NEO1: variants seen among roughly 807,000 people sequenced by gnomAD.
NEO1 encodes neogenin.
A neutral mutation model predicts 159.7 loss-of-function variants in NEO1; 63 were observed. The observed-to-expected ratio is 0.39, with a 90% CI of 0.32 to 0.49. NEO1 has a LOEUF of 0.49. NEO1 is among the 20% of genes least tolerant of loss of function. NEO1 has a pLI of 0.85. For missense variants in NEO1, 1,615 were observed against 1,831.0 expected (o/e 0.88, Z 2.15); for synonymous variants, 633 against 662.0 (o/e 0.96, Z 0.67).
chr15:73,283,500 G>A (rs991617420), intron 23 of NEO1, among the ~76,000 whole-genome samples: 1 of 152,180 alleles, frequency 6.6e-6, no homozygotes, highest in Non-Finnish European at 1.5e-5. Context: ...GGTGCTAGAG[G>A]CATGCAGCCA....
At chr15:73,212,676 A>G (rs1410567122) in intron 7 of NEO1, among the ~76,000 whole-genome samples, 1 of 152,196 alleles carries the variant, frequency 6.6e-6, no homozygotes. Context: ...ATATTTACAC[A>G]TGGACCCAAA....
intron 5 of NEO1, among the ~76,000 whole-genome samples, chr15:73,140,773 T>G (rs930345350): frequency 1.3e-4 from 20 of 152,228 alleles, no homozygotes; most frequent in Admixed American, 8.5e-4. Context: ...TATTGACAGA[T>G]CACTGCTACA....
At chr15:73,074,277 A>G (rs985419120) in intron 1 of NEO1, among the ~76,000 whole-genome samples, 6 of 152,190 alleles carry the variant, frequency 3.9e-5, no homozygotes, top group Non-Finnish European at 7.3e-5. Flanking sequence ...TCTGTCTGAA[A>G]ATGGAGGCCT....
chr15:73,192,701 A>G (rs11637501), intron 7 of NEO1, among the ~76,000 whole-genome samples: 1,568 of 152,122 alleles, frequency 0.01, 14 homozygotes, highest in Non-Finnish European at 0.016. Context: ...TATATTATTA[A>G]TAAAAACAAG....
intron 9 of NEO1, among the ~76,000 whole-genome samples, chr15:73,248,848 G>A (rs967851213): frequency 1.2e-4 from 18 of 152,152 alleles, no homozygotes; most frequent in African/African-American, 4.3e-4. Context: ...AAATCACAAG[G>A]AAAGTTTTTC....
Position 73,302,769 on chromosome 15 carries a change from G to A in NEO1, c.*73G>A, listed in dbSNP as rs1290285466. 6 of 1,370,924 alleles carry A rather than the reference G, an allele frequency of 4.4e-6. No individual in the cohort carries two copies. Among genetic ancestry groups the A allele is most frequent in the African/African-American group, 1.4e-5 (1 of 69,680 alleles). 84.9% of individuals were successfully genotyped at this position (1,370,924 alleles called of 1,614,324 possible). On this transcript the variant is annotated 3_prime_UTR_variant, in exon 29 of 29. Transcript: ENST00000261908. ...AACTTACCCTTGAAAACAAGGAATT[G>A]TACAGAGTACGAGAGGACAGCACTT...
At chr15:73,097,921 A>G (rs969278156) in intron 1 of NEO1, among the ~76,000 whole-genome samples, 1 of 151,586 alleles carries the variant, frequency 6.6e-6, no homozygotes. Flanking sequence ...GGAAATACCT[A>G]TTTTTTAAAG....
At chr15:73,165,093 ATTTTTTT>A (rs67749428) in intron 5 of NEO1, among the ~76,000 whole-genome samples, 2 of 129,100 alleles carry the variant, frequency 1.5e-5, no homozygotes, top group African/African-American at 2.9e-5. Context: ...TGCCTGGCCA[ATTTTTTT>A]TTTTTTTTTT....
intron 20 of NEO1, 50 bp from the exon 21 acceptor site, chr15:73,274,642 G>A: frequency 6.3e-7 from 1 of 1,599,502 alleles, no homozygotes; most frequent in African/African-American, 1.3e-5. Context: ...CATCTTCAAA[G>A]CTTGTGATCC....
At chr15:73,109,641 C>T (rs1337864754) in intron 1 of NEO1, among the ~76,000 whole-genome samples, 1 of 151,808 alleles carries the variant, frequency 6.6e-6, no homozygotes, top group Non-Finnish European at 1.5e-5. Flanking sequence ...GTACATTACC[C>T]TATAGAAATT....
chr15:73,177,894 A>G (rs930816040), intron 6 of NEO1, among the ~76,000 whole-genome samples: 7 of 152,186 alleles, frequency 4.6e-5, no homozygotes, highest in African/African-American at 1.7e-4. Context: ...GAAAGCTCAC[A>G]TGGCTTCATT....
At chr15:73,216,571 T>C (rs932968372) in intron 7 of NEO1, among the ~76,000 whole-genome samples, 2 of 152,218 alleles carry the variant, frequency 1.3e-5, no homozygotes, top group African/African-American at 4.8e-5. Flanking sequence ...TCTTCCCCTT[T>C]CTCCACATCC....
chr15:73,229,451 GTT>G (rs200164416), intron 7 of NEO1, among the ~76,000 whole-genome samples: 8 of 131,840 alleles, frequency 6.1e-5, no homozygotes, highest in Admixed American at 3.0e-4. Context: ...AGTTTTAGTT[GTT>G]TTTTTTTTTT....
intron 1 of NEO1, among the ~76,000 whole-genome samples, chr15:73,069,372 C>T (rs953145516): frequency 2.6e-5 from 4 of 151,676 alleles, no homozygotes; most frequent in African/African-American, 9.7e-5. Context: ...ATCTTATATA[C>T]CTGTTATTGA....
chr15:73,275,517 T>G (rs2041371104), intron 21 of NEO1, among the ~76,000 whole-genome samples: 2 of 152,002 alleles, frequency 1.3e-5, no homozygotes, highest in African/African-American at 2.4e-5. Context: ...TAGCTGGGCA[T>G]GGTGGTGCGC....
chr15:73,269,364 G>A (rs1024130754), intron 16 of NEO1, among the ~76,000 whole-genome samples: 7 of 151,948 alleles, frequency 4.6e-5, no homozygotes, highest in Admixed American at 4.6e-4. Flanking sequence ...TGGTTTTGGG[G>A]TTTTTTTGTT....
chr15:73,124,228 A>ATT (rs931955638), intron 3 of NEO1, among the ~76,000 whole-genome samples: 1 of 138,112 alleles, frequency 7.2e-6, no homozygotes, highest in Non-Finnish European at 1.6e-5. Flanking sequence ...CATCTGGCTA[A>ATT]TTTTTTTGTA....
At chr15:73,248,047 A>T (rs1356639469) in intron 9 of NEO1, among the ~76,000 whole-genome samples, 1 of 152,164 alleles carries the variant, frequency 6.6e-6, no homozygotes, top group Non-Finnish European at 1.5e-5. Context: ...ATCACTTGGG[A>T]AAGATTGTTA....
At chr15:73,130,024 C>G (rs2030877765) in intron 4 of NEO1, among the ~76,000 whole-genome samples, 2 of 152,162 alleles carry the variant, frequency 1.3e-5, no homozygotes, top group Non-Finnish European at 2.9e-5. Context: ...GAGACAGAGT[C>G]TCGCTCTGTT....
Sources: allele counts gnomAD v4.1 joint callset (sites outside exome capture counted in the v4.1 genomes callset), GRCh38; gene constraint gnomAD v4.1.1; transcripts MANE v1.5; gene names NCBI Gene and HGNC (gene_info 2026-07-23, HGNC 2026-07-21).